The following CNTN6 variants were observed in gnomAD, a reference collection of about 807,000 sequenced individuals.
The protein encoded by CNTN6 is contactin-6.
In CNTN6, 137 loss-of-function variants were observed where a neutral mutation model predicts 122.8. The ratio of observed to expected loss-of-function variants is 1.12; its 90% CI spans 0.97 to 1.29. The LOEUF (loss-of-function observed/expected upper bound fraction) is 1.29, where lower values mean the gene tolerates loss of function less well. Among genes scored for constraint, CNTN6 ranks in the 50% most tolerant of loss-of-function variants. The pLI, the probability that CNTN6 is intolerant of heterozygous loss-of-function variation, is 0.00. For missense variants in CNTN6, 1,634 were observed against 1,223.4 expected, an observed-to-expected ratio of 1.34 and a Z score of -5.01; for synonymous variants, 570 against 426.0, an observed-to-expected ratio of 1.34 and a Z score of -4.16.
chr3:1,207,897 A>G (rs143306221), intron 2 of CNTN6, among the ~76,000 whole-genome samples: 137 of 152,166 alleles, frequency 9.0e-4, no homozygotes, highest in Non-Finnish European at 1.7e-3. Flanking sequence ...AAGGACTTCA[A>G]CATACATGCA....
intron 4 of CNTN6, among the ~76,000 whole-genome samples, chr3:1,252,145 C>G (rs1474079741): frequency 6.6e-6 from 1 of 152,156 alleles, no homozygotes. Context: ...ATCTCACAAC[C>G]TAGGCCCACT....
chr3:1,257,688 C>G (rs143185720), intron 4 of CNTN6, among the ~76,000 whole-genome samples: 39 of 152,180 alleles, frequency 2.6e-4, no homozygotes, highest in African/African-American at 9.4e-4. Flanking sequence ...CCCAATTACT[C>G]TAAATAATTT....
At chr3:1,353,844 C>T (rs1315517987) in intron 12 of CNTN6, among the ~76,000 whole-genome samples, 1 of 151,460 alleles carries the variant, frequency 6.6e-6, no homozygotes, top group African/African-American at 2.4e-5. Flanking sequence ...ATGGAAAAAT[C>T]CAGAGGGCAT....
Position 1,193,040 on chromosome 3 carries a change from A to G in CNTN6, c.56-27647A>G, listed in dbSNP as rs371382080. ...TTTTGCAGTTTTGTATGTTATATGTACATTAGTATGTTACATGTACATTAA... is the reference window on the plus strand; with the variant it reads ...TTTTGCAGTTTTGTATGTTATATGTGCATTAGTATGTTACATGTACATTAA... On this transcript the variant is annotated intron_variant, in intron 2 of 22. Coordinates refer to ENST00000446702, the MANE Select transcript of CNTN6 (RefSeq NM_001289080.2). Among the ~76,000 whole-genome samples, 25 of 152,302 alleles carry G rather than the reference A, an allele frequency of 1.6e-4. No homozygotes were observed. The South Asian group carries it at 5.0e-3, about 30-fold the overall frequency.
At chr3:1,325,788 A>T (rs1187207833) in intron 8 of CNTN6, 27 bp from the exon 9 acceptor site, 1 of 1,606,228 alleles carries the variant, frequency 6.2e-7, no homozygotes, top group Non-Finnish European at 8.5e-7. Context: ...CTTTTACCAA[A>T]CAGTGGCACT....
At chr3:1,275,524 T>C (rs1284559749) in intron 4 of CNTN6, among the ~76,000 whole-genome samples, 1 of 152,228 alleles carries the variant, frequency 6.6e-6, no homozygotes, top group African/African-American at 2.4e-5. Flanking sequence ...CCTAGACAAC[T>C]GTCCACCAAT....
intron 7 of CNTN6, among the ~76,000 whole-genome samples, chr3:1,298,565 G>C (rs572772378): frequency 1.3e-5 from 2 of 152,190 alleles, no homozygotes; most frequent in African/African-American, 4.8e-5. Flanking sequence ...TTTTAAGCCA[G>C]GAAAATACCT....
In CNTN6 at chr3:1,311,318, G is replaced by GGCTT. The variant is rs1553676844; in HGVS notation, c.762-10332_762-10331insGCTT. Among the ~76,000 whole-genome samples the GGCTT allele has an allele frequency of 1.2e-4, 16 of 134,574 alleles. 1 individual carries two copies. Among genetic ancestry groups the GGCTT allele is most frequent in the African/African-American group, 3.0e-4 (10 of 33,480 alleles). The allele number at this position is 134,574 out of a possible 152,430, so 88.3% of individuals were successfully genotyped here. A position where few individuals can be genotyped will look rare whatever the true frequency, so the allele number is the denominator to read the frequency against. ...ATATACGTATATGTACATATAAAAT[G>GGCTT]TATATATACATATATGTACATATAA... On this transcript the variant is annotated intron_variant, in intron 7 of 22. Coordinates refer to ENST00000446702, the MANE Select transcript of CNTN6 (RefSeq NM_001289080.2).
In CNTN6 at chr3:1,373,942, G is replaced by T; in HGVS notation, c.1964G>T (p.Gly655Val). The stretch of plus-strand genomic sequence containing the variant: ...TTTTTAGTTCCAGAAATTCTCAATG[G>T]TAAGACATACAATGCAACAGTGGTT... ...AVATVPEILN[G>V]KTYNATVVGL... The change falls in exon 16 of 23, where the codon GGT becomes GTT. Residue 655 changes from glycine (G) to valine (V), a missense_variant. Coordinates refer to ENST00000446702, the MANE Select transcript of CNTN6 (RefSeq NM_001289080.2). 6.2e-7 allele frequency: 1 copy of T among 1,611,260 alleles called. No individual in the cohort carries two copies. Among genetic ancestry groups the T allele is most frequent in the Non-Finnish European group, 8.5e-7 (1 of 1,178,286 alleles).
chr3:1,297,269 TTAAA>T (rs1387169687), intron 6 of CNTN6, among the ~76,000 whole-genome samples: 1 of 152,138 alleles, frequency 6.6e-6, no homozygotes, highest in African/African-American at 2.4e-5. Flanking sequence ...ATCAAAGTAT[TTAAA>T]TAATCTTGAG....
At chr3:1,251,568 C>A (rs777580303) in intron 4 of CNTN6, among the ~76,000 whole-genome samples, 4 of 152,088 alleles carry the variant, frequency 2.6e-5, no homozygotes, top group Admixed American at 2.6e-4. Context: ...GAAATCCAAA[C>A]CAAAATTTTA....
At position 1,352,362 on chromosome 3, in the gene CNTN6, ATAT is replaced by A. The variant is rs1430637533; in HGVS notation, c.1406_1408del (p.Ile469del). Reference sequence around the variant, plus strand: ...GAGGATGGCAGCCTCAAGATATATAATATTACCAGGTCAGATGCTGGATCATAT... The same window carrying A: ...GAGGATGGCAGCCTCAAGATATATAATACCAGGTCAGATGCTGGATCATAT... On this transcript the variant is annotated inframe_deletion, in exon 12 of 23. Coordinates refer to ENST00000446702, the MANE Select transcript of CNTN6 (RefSeq NM_001289080.2). The A allele has an allele frequency of 6.3e-7, 1 of 1,579,522 alleles. No individual in the cohort carries two copies. The highest frequency in any genetic ancestry group is 8.6e-7 in the Non-Finnish European group (1 of 1,159,136).
intron 6 of CNTN6, among the ~76,000 whole-genome samples, chr3:1,297,460 C>T (rs1006135011): frequency 1.3e-5 from 2 of 152,040 alleles, no homozygotes; most frequent in African/African-American, 4.8e-5. Context: ...TATAGGTATA[C>T]AGCAAACTTA....
Position 1,352,455 on chromosome 3 carries a change from T to C in CNTN6, c.1492+4T>C. ...ACTGGCAGCCTCATTGTAAAAGGTA[T>C]CATATTATCTTCATTTGTGCTTGAT... is the stretch of plus-strand genomic sequence containing the variant. On this transcript the variant is annotated splice_donor_region_variant and intron_variant, in intron 12 of 22. Coordinates refer to ENST00000446702, the MANE Select transcript of CNTN6 (RefSeq NM_001289080.2). The C allele has an allele frequency of 6.2e-7, 1 of 1,609,598 alleles. No homozygotes were observed. The highest frequency in any genetic ancestry group is 8.5e-7 in the Non-Finnish European group (1 of 1,177,060).
chr3:1,317,393 G>A (rs1016645591), intron 7 of CNTN6, among the ~76,000 whole-genome samples: 7 of 151,706 alleles, frequency 4.6e-5, no homozygotes, highest in Admixed American at 6.6e-5. Context: ...GTCTGTTCTG[G>A]ATGAATACAG....
At chr3:1,097,560 G>A (rs1384398292) in intron 1 of CNTN6, among the ~76,000 whole-genome samples, 1 of 152,288 alleles carries the variant, frequency 6.6e-6, no homozygotes, top group South Asian at 2.1e-4. Context: ...GCAAGCTCTT[G>A]AGCTGAAGTG....
intron 15 of CNTN6, 47 bp downstream of exon 15, chr3:1,373,809 T>C: frequency 6.6e-7 from 1 of 1,514,006 alleles, no homozygotes; most frequent in Non-Finnish European, 8.8e-7. Context: ...AATATTTTAG[T>C]CCAATAATTT....
intron 7 of CNTN6, among the ~76,000 whole-genome samples, chr3:1,300,221 C>T (rs114715903): frequency 0.045 from 6,832 of 152,166 alleles, 197 homozygotes; most frequent in Non-Finnish European, 0.068. Context: ...CTGCTGACCT[C>T]GTGATCCGCC....
intron 4 of CNTN6, among the ~76,000 whole-genome samples, chr3:1,268,451 T>A (rs561644663): frequency 6.6e-6 from 1 of 151,746 alleles, no homozygotes; most frequent in Admixed American, 6.6e-5. Context: ...ACTAAAAATA[T>A]AAAAAATTAG....
Sources: gnomAD v4.1 joint callset for allele counts (sites outside exome capture counted in the v4.1 genomes callset) on GRCh38, gnomAD v4.1.1 for gene constraint, MANE v1.5 for transcripts, NCBI Gene and HGNC (gene_info 2026-07-23, HGNC 2026-07-21) for gene names.